STXBP5: variants seen among roughly 807,000 people sequenced by gnomAD.
STXBP5 encodes the protein syntaxin-binding protein 5.
Under a neutral mutation model 152.4 loss-of-function variants are expected in STXBP5, and 50 were observed. The ratio of observed to expected loss-of-function variants is 0.33; its 90% CI spans 0.26 to 0.42. STXBP5 has a LOEUF of 0.42. Ranked by LOEUF, STXBP5 falls within the 10% of genes least tolerant of loss-of-function variation. The pLI is 1.00. For synonymous variants in STXBP5, 492 were observed against 494.7 expected (o/e 0.99, Z 0.07); for missense variants, 1,167 against 1,388.6 (o/e 0.84, Z 2.54).
At chr6:147,318,401 C>T (rs891257761) in intron 16 of STXBP5, among the ~76,000 whole-genome samples, 1 of 152,128 alleles carries the variant, frequency 6.6e-6, no homozygotes, top group Non-Finnish European at 1.5e-5. Flanking sequence ...CAGCAACCAG[C>T]AGCAGCTGTT....
chr6:147,354,835 T>C (rs1302913889), intron 22 of STXBP5, among the ~76,000 whole-genome samples: 2 of 152,200 alleles, frequency 1.3e-5, no homozygotes, highest in Non-Finnish European at 2.9e-5. Context: ...TTGACTAATG[T>C]ATACCTGTAA....
chr6:147,249,046 G>C (rs1300198550), intron 4 of STXBP5, among the ~76,000 whole-genome samples: 1 of 152,166 alleles, frequency 6.6e-6, no homozygotes, highest in South Asian at 2.1e-4. Context: ...GCTGAATTCA[G>C]CTAGCAACCT....
chr6:147,337,081 CTT>C (rs1783861364), intron 19 of STXBP5, among the ~76,000 whole-genome samples: 1 of 151,864 alleles, frequency 6.6e-6, no homozygotes, highest in Admixed American at 6.6e-5. Flanking sequence ...AAGGGAAAGA[CTT>C]TCATTTGATC....
intron 9 of STXBP5, among the ~76,000 whole-genome samples, chr6:147,302,684 A>C (rs541229917): frequency 4.3e-4 from 65 of 152,176 alleles, no homozygotes; most frequent in Middle Eastern, 3.4e-3. Flanking sequence ...GCATGGTGGC[A>C]TGTACCTGTA....
chr6:147,358,211 G>GA (rs547906554), intron 22 of STXBP5, among the ~76,000 whole-genome samples: 4,458 of 142,670 alleles, frequency 0.031, 133 homozygotes, highest in African/African-American at 0.092. Context: ...GGGCAAATCT[G>GA]AAAAAAAAAA....
At position 147,385,541 on chromosome 6, in the gene STXBP5, A is replaced by G. The variant is rs935682536; in HGVS notation, c.*786A>G. The G allele has an allele frequency of 6.6e-6, 1 of 152,024 alleles. No individual in the cohort carries two copies. The highest frequency in any genetic ancestry group is 1.5e-5 in the Non-Finnish European group (1 of 67,978). The allele number at this position is 152,024 out of a possible 1,614,324, so 9.4% of individuals were successfully genotyped here. ...AGTGTGGAAAGTGAGAAAAACCTCC[A>G]TTGTGGTGAGGAGAATACTTCAATG... On this transcript the variant is annotated 3_prime_UTR_variant, in exon 28 of 28. Coordinates refer to ENST00000321680, the MANE Select transcript of STXBP5 (RefSeq NM_001127715.4).
intron 21 of STXBP5, among the ~76,000 whole-genome samples, chr6:147,352,908 T>TA (rs1784654003): frequency 6.6e-6 from 1 of 152,200 alleles, no homozygotes; most frequent in African/African-American, 2.4e-5. Context: ...CTCACGCATG[T>TA]AATCCCAGCA....
chr6:147,316,844 A>G (rs923817102), intron 16 of STXBP5, among the ~76,000 whole-genome samples: 1 of 152,128 alleles, frequency 6.6e-6, no homozygotes, highest in Non-Finnish European at 1.5e-5. Context: ...CCGTATCTTT[A>G]TTTAAAACGT....
intron 7 of STXBP5, among the ~76,000 whole-genome samples, chr6:147,272,949 G>A (rs1780248653): frequency 6.6e-6 from 1 of 151,828 alleles, no homozygotes; most frequent in Admixed American, 6.6e-5. Context: ...TGTGTGCTTG[G>A]ATAGCATTCT....
intron 8 of STXBP5, 56 bp downstream of exon 8, chr6:147,278,260 T>C: frequency 6.9e-7 from 1 of 1,445,062 alleles, no homozygotes; most frequent in Non-Finnish European, 9.3e-7. Context: ...TAAACTGTTT[T>C]GTTTGAGTTT....
chr6:147,372,339 A>G (rs1785579185), intron 25 of STXBP5, among the ~76,000 whole-genome samples: 1 of 146,950 alleles, frequency 6.8e-6, no homozygotes, highest in Non-Finnish European at 1.5e-5. Context: ...CTTTTATTCC[A>G]ACTATAATGA....
intron 9 of STXBP5, among the ~76,000 whole-genome samples, chr6:147,301,940 T>G (rs1303392834): frequency 6.6e-6 from 1 of 152,154 alleles, no homozygotes; most frequent in East Asian, 1.9e-4. Flanking sequence ...TATTATAGCT[T>G]TGTGTTATAA....
At chr6:147,380,728 C>T (rs1200892007) in intron 26 of STXBP5, among the ~76,000 whole-genome samples, 4 of 151,846 alleles carry the variant, frequency 2.6e-5, no homozygotes, top group African/African-American at 9.7e-5. Flanking sequence ...AAAAGATGAT[C>T]CAAAGAATGG....
intron 8 of STXBP5, among the ~76,000 whole-genome samples, chr6:147,286,348 A>G (rs895550642): frequency 2.4e-4 from 37 of 152,318 alleles, no homozygotes; most frequent in African/African-American, 8.7e-4. Context: ...ACAGGATTCA[A>G]TGTTCCATTA....
At position 147,204,480 on chromosome 6, in the gene STXBP5, C is replaced by T. The variant is rs1030506838; in HGVS notation, c.-53C>T. 6.3e-6 allele frequency: 10 copies of T among 1,588,140 alleles called. No homozygotes were observed. The highest frequency in any genetic ancestry group is 1.1e-5 in the South Asian group (1 of 88,204). On this transcript the variant is annotated 5_prime_UTR_variant, in exon 1 of 28. Coordinates refer to ENST00000321680, the MANE Select transcript of STXBP5 (RefSeq NM_001127715.4). The surrounding 1 kb of genome is among the most constrained non-coding windows in gnomAD (Gnocchi z 4.3). ...TCGGCCCCGGGTGGTCTCCCCCGCC[C>T]GGGGACCCCCTGTGCCTCCCCTCCC...
At chr6:147,327,493 G>C (rs927650165) in intron 18 of STXBP5, among the ~76,000 whole-genome samples, 2 of 152,152 alleles carry the variant, frequency 1.3e-5, no homozygotes, top group Non-Finnish European at 2.9e-5. Context: ...CTGTCACCCA[G>C]ACTGGTGTGC....
intron 21 of STXBP5, among the ~76,000 whole-genome samples, chr6:147,340,398 G>A (rs1004584924): frequency 1.3e-5 from 2 of 151,838 alleles, no homozygotes; most frequent in Non-Finnish European, 2.9e-5. Flanking sequence ...TTGGGCAAAG[G>A]GCTCTTCATT....
chr6:147,253,731 C>G (rs539099953), intron 4 of STXBP5, among the ~76,000 whole-genome samples: 1 of 152,196 alleles, frequency 6.6e-6, no homozygotes, highest in African/African-American at 2.4e-5. Context: ...AGGAATACAA[C>G]TTACAAGGGA....
chr6:147,262,850 A>G (rs1485088422), intron 6 of STXBP5, among the ~76,000 whole-genome samples: 1 of 151,960 alleles, frequency 6.6e-6, no homozygotes, highest in Non-Finnish European at 1.5e-5. Context: ...AACCAGTTTC[A>G]TATAATCAGT....
Sources: gnomAD v4.1 joint callset for allele counts (sites outside exome capture counted in the v4.1 genomes callset) on GRCh38, gnomAD v4.1.1 for gene constraint, Gnocchi (gnomAD v3.1) non-coding constraint, MANE v1.5 for transcripts, NCBI Gene and HGNC (gene_info 2026-07-23, HGNC 2026-07-21) for gene names.